The following MLXIP variants were observed in gnomAD, a reference collection of about 807,000 sequenced individuals.
MLXIP encodes the protein MLX-interacting protein.
In MLXIP, 30 loss-of-function variants were observed where a neutral mutation model predicts 87.2. That is an observed-to-expected ratio of 0.34 (90% confidence interval 0.26 to 0.47). MLXIP has a LOEUF of 0.47. MLXIP is among the 20% of genes least tolerant of loss of function. The pLI is 1.00. For synonymous variants in MLXIP, 530 were observed against 514.0 expected (o/e 1.03, Z -0.42); for missense variants, 1,002 against 1,240.1 (o/e 0.81, Z 2.88).
Position 122,079,937 on chromosome 12 carries a change from A to C in MLXIP, c.413+671A>C, listed in dbSNP as rs76435247. ...TTGGTGCCACAGCTGTTGGAGGTGCAGTCTGTCCTTCTGGCAAGTTGGAGG... is the reference window on the plus strand; with the variant it reads ...TTGGTGCCACAGCTGTTGGAGGTGCCGTCTGTCCTTCTGGCAAGTTGGAGG... On this transcript the variant is annotated intron_variant, in intron 1 of 16. Transcript: ENST00000319080. 6.9e-3 allele frequency among the ~76,000 whole-genome samples: 1,051 copies of C among 152,304 alleles called. 15 individuals are homozygous for C. The highest frequency in any genetic ancestry group is 0.024 in the African/African-American group (986 of 41,558).
At chr12:122,120,541 G>A (rs929608411) in intron 1 of MLXIP, among the ~76,000 whole-genome samples, 1 of 152,182 alleles carries the variant, frequency 6.6e-6, no homozygotes, top group Non-Finnish European at 1.5e-5. Flanking sequence ...ATAAAACATT[G>A]TGAATGTTCT....
At chr12:122,131,970 C>T (rs1332986191) in intron 7 of MLXIP, among the ~76,000 whole-genome samples, 2 of 126,282 alleles carry the variant, frequency 1.6e-5, no homozygotes, top group Admixed American at 1.0e-4. Flanking sequence ...TGTCATCAGG[C>T]TGGAGTGCAG....
intron 1 of MLXIP, among the ~76,000 whole-genome samples, chr12:122,117,303 G>A (rs1191020580): frequency 2.6e-5 from 4 of 152,204 alleles, no homozygotes; most frequent in African/African-American, 7.2e-5. Context: ...CTCTCTGCTC[G>A]GGCAGGTGGC....
chr12:122,079,406 T>A (rs1231855599), intron 1 of MLXIP, 140 bp downstream of exon 1: 6 of 767,276 alleles, frequency 7.8e-6, no homozygotes, highest in Non-Finnish European at 1.3e-5. Flanking sequence ...GGTTTATGGA[T>A]CTGGGGTTCC....
intron 1 of MLXIP, among the ~76,000 whole-genome samples, chr12:122,085,622 T>C (rs1952157542): frequency 1.3e-5 from 2 of 152,170 alleles, no homozygotes; most frequent in African/African-American, 4.8e-5. Flanking sequence ...CAGGCTGTTT[T>C]TTTGTTTGTT....
rs116036132 is a variant in MLXIP, at chr12:122,112,136, T to C, written c.414-15120T>C. Reference sequence around the variant, plus strand: ...AATTAGTGTGATGGCAGCACAGGATTGGACACAGGTCAGTGGTGATGCAGG... The same window carrying C: ...AATTAGTGTGATGGCAGCACAGGATCGGACACAGGTCAGTGGTGATGCAGG... On this transcript the variant is annotated intron_variant, in intron 1 of 16. Coordinates refer to ENST00000319080, the MANE Select transcript of MLXIP (RefSeq NM_014938.6). 3.0e-3 allele frequency among the ~76,000 whole-genome samples: 459 copies of C among 152,300 alleles called. 4 individuals carry two copies. Among genetic ancestry groups the C allele is most frequent in the African/African-American group, 0.011 (442 of 41,564 alleles).
At chr12:122,113,333 C>A (rs531489778) in intron 1 of MLXIP, among the ~76,000 whole-genome samples, 2 of 152,298 alleles carry the variant, frequency 1.3e-5, no homozygotes, top group East Asian at 3.9e-4. Flanking sequence ...GTTCACAGTT[C>A]ACTGCAGCCC....
intron 1 of MLXIP, among the ~76,000 whole-genome samples, chr12:122,084,255 C>G (rs1565954720): frequency 6.6e-6 from 1 of 151,838 alleles, no homozygotes; most frequent in African/African-American, 2.4e-5. Context: ...TGTATCTCCC[C>G]TTTCGCTGTT....
At chr12:122,127,535 G>C (rs903898522) in intron 2 of MLXIP, among the ~76,000 whole-genome samples, 173 bp downstream of exon 2, 1 of 152,228 alleles carries the variant, frequency 6.6e-6, no homozygotes, top group Non-Finnish European at 1.5e-5. Flanking sequence ...CATCTGAAGA[G>C]TCAGGGAGCA....
At chr12:122,121,469 T>C (rs959010734) in intron 1 of MLXIP, among the ~76,000 whole-genome samples, 1 of 151,944 alleles carries the variant, frequency 6.6e-6, no homozygotes, top group African/African-American at 2.4e-5. Flanking sequence ...GATTTCACCA[T>C]GTTGGCCAGG....
intron 1 of MLXIP, among the ~76,000 whole-genome samples, chr12:122,116,161 C>A (rs1490458451): frequency 1.3e-5 from 2 of 152,084 alleles, no homozygotes; most frequent in African/African-American, 4.8e-5. Context: ...AATTTCCCGG[C>A]TTTGACATTG....
chr12:122,130,427 G>A (rs947914021), intron 6 of MLXIP, among the ~76,000 whole-genome samples: 6 of 151,668 alleles, frequency 4.0e-5, no homozygotes, highest in African/African-American at 7.3e-5. Context: ...TACGTGTGCC[G>A]TGCCTAAGCC....
intron 1 of MLXIP, among the ~76,000 whole-genome samples, chr12:122,090,217 CG>C (rs1261251802): frequency 1.3e-5 from 2 of 152,234 alleles, no homozygotes; most frequent in East Asian, 3.9e-4. Context: ...CTTACCCAGC[CG>C]GGTGTGGTGA....
At chr12:122,085,111 G>A (rs1489145557) in intron 1 of MLXIP, among the ~76,000 whole-genome samples, 2 of 152,046 alleles carry the variant, frequency 1.3e-5, no homozygotes, top group African/African-American at 2.4e-5. Context: ...GGGAAACCCA[G>A]ATGGGGAAGG....
chr12:122,095,150 G>A (rs1158100871), intron 1 of MLXIP, among the ~76,000 whole-genome samples: 4 of 104,330 alleles, frequency 3.8e-5, no homozygotes, highest in East Asian at 7.3e-4. Flanking sequence ...GTCTGTGTGC[G>A]GTGTGGTGGT....
At chr12:122,121,015 T>TTTTTG (rs1952773916) in intron 1 of MLXIP, among the ~76,000 whole-genome samples, 1 of 93,496 alleles carries the variant, frequency 1.1e-5, no homozygotes, top group Admixed American at 1.1e-4. Context: ...GCTTGGTTTT[T>TTTTTG]TTTTTTTTTT....
At chr12:122,087,818 G>T (rs2135898611) in intron 1 of MLXIP, among the ~76,000 whole-genome samples, 1 of 152,338 alleles carries the variant, frequency 6.6e-6, no homozygotes, top group African/African-American at 2.4e-5. Context: ...CTCAGACTAG[G>T]ACGGTAGCAG....
intron 2 of MLXIP, 22 bp from the exon 3 acceptor site, chr12:122,127,861 C>T (rs776078804): frequency 6.2e-7 from 1 of 1,608,622 alleles, no homozygotes; most frequent in Non-Finnish European, 8.5e-7. Flanking sequence ...ATGGTGCTGA[C>T]TCTCACCCTC....
Position 122,137,260 on chromosome 12 carries a change from T to G in MLXIP, c.2033-209T>G. ...GTTGCTCCATCGTGTTCTGTGTGGATTAAGGGTGTTTTTGTTGTTGTTATT... is the reference window on the plus strand; with the variant it reads ...GTTGCTCCATCGTGTTCTGTGTGGAGTAAGGGTGTTTTTGTTGTTGTTATT... On this transcript the variant is annotated intron_variant, in intron 11 of 16. Coordinates refer to ENST00000319080, the MANE Select transcript of MLXIP (RefSeq NM_014938.6). The surrounding 1 kb of genome is among the most constrained non-coding windows in gnomAD (Gnocchi z 4.1). 1 of 486,072 alleles carries G rather than the reference T, an allele frequency of 2.1e-6. No homozygotes were observed. Among genetic ancestry groups the G allele is most frequent in the Non-Finnish European group, 3.5e-6 (1 of 282,622 alleles). The allele number at this position is 486,072 out of a possible 1,614,324, so 30.1% of individuals were successfully genotyped here.
Sources: gnomAD v4.1 joint callset for allele counts (sites outside exome capture counted in the v4.1 genomes callset) on GRCh38, gnomAD v4.1.1 for gene constraint, Gnocchi (gnomAD v3.1) non-coding constraint, MANE v1.5 for transcripts, NCBI Gene and HGNC (gene_info 2026-07-23, HGNC 2026-07-21) for gene names.